The following HIPK1 variants were observed in gnomAD, a reference collection of about 807,000 sequenced individuals.
HIPK1 encodes the protein homeodomain interacting protein kinase 1.
In HIPK1, 28 loss-of-function variants were observed where a neutral mutation model predicts 117.1. The observed-to-expected ratio is 0.24, with a 90% CI of 0.18 to 0.33. The LOEUF is 0.33. Ranked by LOEUF, HIPK1 falls within the 10% of genes least tolerant of loss-of-function variation. The pLI is 1.00. For missense variants in HIPK1, 1,122 were observed against 1,475.1 expected (o/e 0.76, Z 3.92); for synonymous variants, 605 against 562.5 (o/e 1.08, Z -1.07).
At position 113,971,888 on chromosome 1, in the gene HIPK1, C is replaced by T; in HGVS notation, c.3078C>T (p.Ile1026=). 4 of 1,603,682 alleles carry T rather than the reference C, an allele frequency of 2.5e-6. No homozygotes were observed. Among genetic ancestry groups the T allele is most frequent in the Middle Eastern group, 1.7e-4 (1 of 6,026 alleles). Residue 1026 remains isoleucine, a synonymous_variant, in exon 15 of 16, where the codon ATC becomes ATT. Transcript: ENST00000426820. ...SVSGQSSGCC[I]TPTGYRAQRG... is the part of the protein sequence containing the mutation. ...GTGGGCAGTCATCTGGATGCTGTAT[C>T]ACCCCCACAGGGTATCGAGCTCAAC... is the stretch of plus-strand genomic sequence containing the variant.
chr1:113,971,685 G>GGGTTTT, intron 14 of HIPK1, 139 bp from the exon 15 acceptor site: 1 of 678,106 alleles, frequency 1.5e-6, no homozygotes, highest in East Asian at 3.4e-5. Context: ...GTGATAACAG[G>GGGTTTT]TTATTTTCTT....
intron 3 of HIPK1, among the ~76,000 whole-genome samples, chr1:113,953,201 G>A (rs1671481110): frequency 6.6e-6 from 1 of 152,158 alleles, no homozygotes; most frequent in South Asian, 2.1e-4. Context: ...TAGGAAAGTA[G>A]AGTAAAGATG....
At chr1:113,967,374 C>T (rs922480229) in intron 11 of HIPK1, among the ~76,000 whole-genome samples, 1 of 152,042 alleles carries the variant, frequency 6.6e-6, no homozygotes, top group Non-Finnish European at 1.5e-5. Context: ...TTTCCATATC[C>T]TTGGCAGTGT....
At position 113,976,113 on chromosome 1, in the gene HIPK1, T is replaced by C. The variant is rs1205623918; in HGVS notation, c.*2601T>C. On this transcript the variant is annotated 3_prime_UTR_variant, in exon 16 of 16. Coordinates refer to ENST00000426820, the MANE Select transcript of HIPK1 (RefSeq NM_198268.3). ...AGGAGCTGTCAAAGTATTTGGAGTT[T>C]CTTCATTGTAAGGAGTAAGGGCTTC... The C allele has an allele frequency of 6.5e-6, 1 of 152,764 alleles. No homozygotes were observed. Among genetic ancestry groups the C allele is most frequent in the Non-Finnish European group, 1.5e-5 (1 of 68,048 alleles). 9.5% of individuals were successfully genotyped at this position (152,764 alleles called of 1,614,324 possible).
intron 1 of HIPK1, among the ~76,000 whole-genome samples, chr1:113,940,025 G>C (rs1030219090): frequency 6.8e-6 from 1 of 146,802 alleles, no homozygotes; most frequent in African/African-American, 2.5e-5. Flanking sequence ...GGCTGGTCTC[G>C]AACTCCTCAG....
chr1:113,961,813 G>T (rs754558424), intron 8 of HIPK1, among the ~76,000 whole-genome samples: 1 of 151,750 alleles, frequency 6.6e-6, no homozygotes, highest in Non-Finnish European at 1.5e-5. Flanking sequence ...GCGTGGTGGC[G>T]CACTCCTGTA....
At chr1:113,957,031 G>C in intron 6 of HIPK1, 93 bp from the exon 7 acceptor site, 1 of 1,096,376 alleles carries the variant, frequency 9.1e-7, no homozygotes, top group African/African-American at 1.6e-5. Context: ...AAAGTGATTG[G>C]GAAAAAAAGC....
At chr1:113,933,426 A>G (rs1486410373) in intron 1 of HIPK1, among the ~76,000 whole-genome samples, 3 of 152,172 alleles carry the variant, frequency 2.0e-5, no homozygotes, top group Non-Finnish European at 4.4e-5. Context: ...CGTGGTCCAG[A>G]TCTTGCAAGG....
At chr1:113,970,934 A>G (rs1672783744) in intron 14 of HIPK1, among the ~76,000 whole-genome samples, 1 of 152,232 alleles carries the variant, frequency 6.6e-6, no homozygotes, top group Non-Finnish European at 1.5e-5. Context: ...AATGCTTCTC[A>G]CATGGCCCCA....
intron 1 of HIPK1, 50 bp from the exon 2 acceptor site, chr1:113,940,332 C>T: frequency 6.9e-7 from 1 of 1,456,346 alleles, no homozygotes; most frequent in East Asian, 2.3e-5. Flanking sequence ...TAAATCTAAG[C>T]CTTGTATCTT....
intron 12 of HIPK1, among the ~76,000 whole-genome samples, chr1:113,968,172 A>T (rs1672580499): frequency 6.6e-6 from 1 of 152,190 alleles, no homozygotes; most frequent in Non-Finnish European, 1.5e-5. Context: ...GCATTTTATG[A>T]TGTTTTTATT....
rs1222193672 is a variant in HIPK1 at position 113,929,378 on chromosome 1, A to G, written c.-157A>G. ...GCCAGGCACCTTTAAATCACCGCAGAGTCTGCAGTGCGGAGGGGGCGGGAA... is the reference window on the plus strand; with the variant it reads ...GCCAGGCACCTTTAAATCACCGCAGGGTCTGCAGTGCGGAGGGGGCGGGAA... On this transcript the variant is annotated 5_prime_UTR_variant, in exon 1 of 16. Coordinates refer to ENST00000426820, the MANE Select transcript of HIPK1 (RefSeq NM_198268.3). 1.6e-6 allele frequency: 2 copies of G among 1,289,376 alleles called. No individual in the cohort carries two copies. The highest frequency in any genetic ancestry group is 4.6e-5 in the Admixed American group (2 of 43,550). The allele number at this position is 1,289,376 out of a possible 1,614,324, so 79.9% of individuals were successfully genotyped here.
intron 8 of HIPK1, among the ~76,000 whole-genome samples, chr1:113,960,478 T>C (rs1256196003): frequency 6.6e-6 from 1 of 152,194 alleles, no homozygotes; most frequent in African/African-American, 2.4e-5. Context: ...TGCTTAGTGG[T>C]AACTATTATT....
Position 113,954,717 on chromosome 1 carries a change from A to G in HIPK1, c.1267A>G (p.Thr423Ala), listed in dbSNP as rs1486122382. 1.9e-6 allele frequency: 3 copies of G among 1,613,916 alleles called. No homozygotes were observed. The highest frequency in any genetic ancestry group is 2.5e-6 in the Non-Finnish European group (3 of 1,179,894). ...EYLLSAGTKT[T>A]RFFNRDPNLG... The stretch of plus-strand genomic sequence containing the variant: ...TCTTCTCAGTGCCGGAACAAAAACA[A>G]CCAGGTTTTTCAACAGAGATCCTAA... Residue 423 changes from threonine to alanine, a missense_variant, in exon 4 of 16, where the codon ACC becomes GCC. Around this residue, in one of 6 missense-constraint regions of HIPK1, gnomAD observed 127 missense variants for 197.9 expected, o/e 0.64. Coordinates refer to ENST00000426820, the MANE Select transcript of HIPK1 (RefSeq NM_198268.3).
In HIPK1 at chr1:113,940,379, T is replaced by C; in HGVS notation, c.-2-3T>C. 2 of 1,579,136 alleles carry C rather than the reference T, an allele frequency of 1.3e-6. No individual in the cohort carries two copies. Among genetic ancestry groups the C allele is most frequent in the South Asian group, 1.2e-5 (1 of 86,272 alleles). Reference sequence around the variant, plus strand: ...GTCTAATTCTTCCTTTCTCTCAATATAGGTATGGCATCACAGCTGCAAGTG... The same window carrying C: ...GTCTAATTCTTCCTTTCTCTCAATACAGGTATGGCATCACAGCTGCAAGTG... On this transcript the variant is annotated splice_polypyrimidine_tract_variant and splice_region_variant and intron_variant, in intron 1 of 15. Transcript: ENST00000426820.
chr1:113,967,491 T>TTTTC (rs1299645658), intron 11 of HIPK1, among the ~76,000 whole-genome samples: 1 of 152,228 alleles, frequency 6.6e-6, no homozygotes. Context: ...GTTGAGCACC[T>TTTTC]TTTCATATGC....
chr1:113,955,580 A>G lies in HIPK1; in HGVS notation c.1338A>G (p.Glu446=). 1.3e-6 allele frequency: 2 copies of G among 1,591,100 alleles called. No individual in the cohort carries two copies. The highest frequency in any genetic ancestry group is 1.7e-6 in the Non-Finnish European group (2 of 1,159,478). The change falls in exon 5 of 16, where the codon GAA becomes GAG. Residue 446 remains glutamate (E), a synonymous_variant. Coordinates refer to ENST00000426820, the MANE Select transcript of HIPK1 (RefSeq NM_198268.3). The part of the protein sequence containing the change: ...LWRLKTPEEH[E]LETGIKSKEA... Reference sequence around the variant, plus strand: ...TTTTATAGACACCTGAAGAACATGAACTGGAGACTGGAATAAAATCAAAAG... The same window carrying G: ...TTTTATAGACACCTGAAGAACATGAGCTGGAGACTGGAATAAAATCAAAAG...
At chr1:113,947,009 A>G (rs1230552909) in intron 2 of HIPK1, among the ~76,000 whole-genome samples, 1 of 152,160 alleles carries the variant, frequency 6.6e-6, no homozygotes, top group Non-Finnish European at 1.5e-5. Context: ...CTGTCTTTCA[A>G]AAAACCTCTG....
intron 15 of HIPK1, 53 bp from the exon 16 acceptor site, chr1:113,972,971 G>T (rs1672936321): frequency 5.3e-6 from 8 of 1,500,142 alleles, no homozygotes; most frequent in South Asian, 1.4e-5. Flanking sequence ...GGCCTTTGGT[G>T]CCCTGAGCTG....
Sources: gnomAD v4.1 joint callset for allele counts (sites outside exome capture counted in the v4.1 genomes callset) on GRCh38, gnomAD v4.1.1 for gene constraint, gnomAD v4.1.1 regional missense constraint, MANE v1.5 for transcripts, NCBI Gene and HGNC (gene_info 2026-07-23, HGNC 2026-07-21) for gene names.